The following CPLANE1 variants were observed in gnomAD, a reference collection of about 807,000 sequenced individuals.
The protein encoded by CPLANE1 is ciliogenesis and planar polarity effector complex subunit 1.
CPLANE1 carries 263 observed loss-of-function variants against 362.5 expected under a neutral mutation model. The observed-to-expected ratio is 0.73, with a 90% CI of 0.66 to 0.80. The LOEUF is 0.80. CPLANE1 is among the 30% of genes least tolerant of loss of function. The probability of loss-of-function intolerance (pLI) is 0.00; values close to 1 mark genes in which losing one functional copy is unlikely to be tolerated. For missense variants in CPLANE1, 3,461 were observed against 3,793.4 expected, an observed-to-expected ratio of 0.91 and a Z score of 2.30; for synonymous variants, 1,212 against 1,302.6, an observed-to-expected ratio of 0.93 and a Z score of 1.50.
At chr5:37,200,491 C>T (rs1788828337) in intron 19 of CPLANE1, among the ~76,000 whole-genome samples, 1 of 151,962 alleles carries the variant, frequency 6.6e-6, no homozygotes, top group South Asian at 2.1e-4. Context: ...GTAAAATCAA[C>T]AAGTAAAATG....
In CPLANE1 at chr5:37,227,628, T is replaced by C. The variant is rs761587080; in HGVS notation, c.1311A>G (p.Ser437=). The C allele has an allele frequency of 6.4e-7, 1 of 1,551,212 alleles. No individual in the cohort carries two copies. Among genetic ancestry groups the C allele is most frequent in the Non-Finnish European group, 8.7e-7 (1 of 1,146,570 alleles). The change falls in exon 10 of 53, where the codon TCA becomes TCG. Residue 437 remains serine (S), a synonymous_variant. Coordinates refer to ENST00000651892, the MANE Select transcript of CPLANE1 (RefSeq NM_001384732.1). ...GCCTCTGGGTTGAATCAAGTAGAAG[T>C]GATCTCATGTGTACTGATGGAGATA... The part of the protein sequence containing the change: ...DSLSPSVHMR[S]LLLDSTQRLE...
At chr5:37,104,075 T>G (rs184097238), downstream of CPLANE1, among the ~76,000 whole-genome samples, 203 of 152,342 alleles carry the variant, frequency 1.3e-3, 1 homozygote, top group Middle Eastern at 0.014. Context: ...TCATTCTCTT[T>G]TCTTTATTTT....
chr5:37,219,290 G>A (rs1177930910), intron 15 of CPLANE1, among the ~76,000 whole-genome samples: 1 of 152,170 alleles, frequency 6.6e-6, no homozygotes, highest in East Asian at 1.9e-4. Flanking sequence ...AGCACTTTGA[G>A]AGGCCAAGGT....
chr5:37,224,415 T>C, intron 13 of CPLANE1, 82 bp from the exon 14 acceptor site: 1 of 1,295,386 alleles, frequency 7.7e-7, no homozygotes, highest in Non-Finnish European at 1.1e-6. Context: ...ATCCAGTTAA[T>C]GGAGCTCAGC....
rs951262341 is a variant in CPLANE1, at chr5:37,114,874, G to A, written c.9400+86C>T. 4 of 789,320 alleles carry A rather than the reference G, an allele frequency of 5.1e-6. No homozygotes were observed. In the African/African-American group the frequency reaches 5.3e-5, roughly 11 times the overall value. The allele number at this position is 789,320 out of a possible 1,614,324, so 48.9% of individuals were successfully genotyped here. ...ACATTGCACCACTGCACTCCAGACT[G>A]GGCAACAGAGTGAGACTCTGTCTCA... On this transcript the variant is annotated intron_variant, in intron 51 of 52. Transcript: ENST00000651892.
chr5:37,246,064 G>C (rs554183418), intron 2 of CPLANE1: 22 of 298,422 alleles, frequency 7.4e-5, no homozygotes, highest in Non-Finnish European at 1.1e-4. Flanking sequence ...AGGCTACCTA[G>C]TAGTTGTATT....
chr5:37,121,519 A>T, intron 49 of CPLANE1, 98 bp downstream of exon 49: 1 of 1,045,632 alleles, frequency 9.6e-7, no homozygotes, highest in Non-Finnish European at 1.4e-6. Context: ...TAAGCAGGGT[A>T]AATGCAAATG....
chr5:37,168,696 A>G, intron 34 of CPLANE1, 95 bp downstream of exon 34: 1 of 1,019,474 alleles, frequency 9.8e-7, no homozygotes, highest in Non-Finnish European at 1.4e-6. Flanking sequence ...GCATTTTTTT[A>G]TGTACAAGAG....
At chr5:37,094,792 C>A in the CPLANE1 span, among the ~76,000 whole-genome samples, 1 of 152,060 alleles carries the variant, frequency 6.6e-6, no homozygotes, top group African/African-American at 2.4e-5. Flanking sequence ...TCATTCAAGG[C>A]TACTATGAAC....
chr5:37,238,146 T>C (rs1799432788), intron 8 of CPLANE1, among the ~76,000 whole-genome samples: 1 of 152,060 alleles, frequency 6.6e-6, no homozygotes, highest in Non-Finnish European at 1.5e-5. Flanking sequence ...ACCACTACAC[T>C]CCAGCTTGGG....
chr5:37,247,595 T>C, intron 2 of CPLANE1, 23 bp downstream of exon 2: 1 of 1,544,766 alleles, frequency 6.5e-7, no homozygotes, highest in Non-Finnish European at 8.8e-7. Context: ...AAACTGGTAT[T>C]GCATGAATAA....
chr5:37,195,011 C>T (rs1360828660), intron 21 of CPLANE1, among the ~76,000 whole-genome samples: 4 of 151,764 alleles, frequency 2.6e-5, no homozygotes, highest in African/African-American at 7.3e-5. Context: ...AAAAATTAGC[C>T]GGGCACGGTG....
intron 5 of CPLANE1, 71 bp downstream of exon 5, chr5:37,244,304 A>G (rs898601799): frequency 4.6e-5 from 40 of 865,076 alleles, no homozygotes; most frequent in Non-Finnish European, 6.2e-5. Context: ...ATGGTGACTA[A>G]AGATATATAG....
At chr5:37,234,381 T>TAA (rs879842984) in intron 8 of CPLANE1, among the ~76,000 whole-genome samples, 2 of 99,440 alleles carry the variant, frequency 2.0e-5, no homozygotes, top group Non-Finnish European at 4.3e-5. Flanking sequence ...GGAGAAAGAT[T>TAA]AAAAAAAAAA....
At chr5:37,076,714 G>C in the CPLANE1 span, among the ~76,000 whole-genome samples, 1 of 151,776 alleles carries the variant, frequency 6.6e-6, no homozygotes, top group African/African-American at 2.4e-5. Flanking sequence ...CTTTGTCATT[G>C]AGCATACCAA....
intron 46 of CPLANE1, among the ~76,000 whole-genome samples, chr5:37,135,829 C>CA (rs796591867): frequency 0.026 from 3,656 of 141,996 alleles, 152 homozygotes; most frequent in African/African-American, 0.086. Context: ...GACTCTGTCT[C>CA]AAAAAAAAAA....
intron 41 of CPLANE1, among the ~76,000 whole-genome samples, chr5:37,156,789 G>C (rs1277453040): frequency 6.6e-6 from 1 of 152,210 alleles, no homozygotes; most frequent in Admixed American, 6.5e-5. Flanking sequence ...CTACAAGACA[G>C]AGAAGGAGGG....
chr5:37,179,775 G>A (rs962202256), intron 28 of CPLANE1, among the ~76,000 whole-genome samples: 3 of 152,018 alleles, frequency 2.0e-5, no homozygotes, highest in Non-Finnish European at 4.4e-5. Flanking sequence ...AGCACAAGAC[G>A]CCCAATAATG....
intron 14 of CPLANE1, among the ~76,000 whole-genome samples, chr5:37,222,491 C>G (rs1050965014): frequency 6.6e-6 from 1 of 152,162 alleles, no homozygotes; most frequent in East Asian, 1.9e-4. Flanking sequence ...AAATCAGCCC[C>G]AAACTGCAAC....
Sources: gnomAD v4.1 joint callset for allele counts (sites outside exome capture counted in the v4.1 genomes callset) on GRCh38, gnomAD v4.1.1 for gene constraint, MANE v1.5 for transcripts, NCBI Gene and HGNC (gene_info 2026-07-23, HGNC 2026-07-21) for gene names.